Variants in TMEM63B observed in about 807,000 individuals in gnomAD.
The protein encoded by TMEM63B is transmembrane protein 63B.
In TMEM63B, 23 loss-of-function variants were observed where a neutral mutation model predicts 102.6. The ratio of observed to expected loss-of-function variants is 0.22; its 90% CI spans 0.16 to 0.32. The LOEUF (loss-of-function observed/expected upper bound fraction) is 0.32. Among genes scored for constraint, TMEM63B ranks in the 10% least tolerant of loss-of-function variants. The pLI, the probability that TMEM63B is intolerant of heterozygous loss-of-function variation, is 1.00. For synonymous variants in TMEM63B, 444 were observed against 437.0 expected (o/e 1.02, Z -0.20); for missense variants, 628 against 1,095.9 (o/e 0.57, Z 6.03).
intron 5 of TMEM63B, among the ~76,000 whole-genome samples, chr6:44,138,215 A>G (rs1387682991): frequency 2.7e-5 from 4 of 146,538 alleles, no homozygotes; most frequent in Non-Finnish European, 4.5e-5. Context: ...GCCACAGGGT[A>G]TTTGCAGAAA....
At chr6:44,129,013 C>T (rs1481753151) in intron 1 of TMEM63B, among the ~76,000 whole-genome samples, 1 of 152,216 alleles carries the variant, frequency 6.6e-6, no homozygotes, top group Non-Finnish European at 1.5e-5. Flanking sequence ...TAGAGACCTG[C>T]GTTCAAATTC....
chr6:44,146,702 C>T (rs1208075987), intron 10 of TMEM63B, 145 bp from the exon 11 acceptor site: 6 of 777,198 alleles, frequency 7.7e-6, no homozygotes, highest in South Asian at 2.9e-5. Context: ...CCTCCCGCTT[C>T]GGCCCCCCAA....
At position 44,148,161 on chromosome 6, in the gene TMEM63B, T is replaced by TG; in HGVS notation, c.988-90dup. On this transcript the variant is annotated intron_variant, in intron 12 of 23. Transcript: ENST00000323267. This position sits in a 1 kb window ranked among gnomAD's most constrained non-coding sequence, Gnocchi z 5.1. ...ATGCTTAGAGGAGCAGTGCCTGGCT[T>TG]GTAGGAAGCCCCAAGTCAGCGTGGG... 6.4e-7 allele frequency: 1 copy of TG among 1,554,670 alleles called. No individual in the cohort carries two copies. The highest frequency in any genetic ancestry group is 8.7e-7 in the Non-Finnish European group (1 of 1,153,700).
chr6:44,134,601 T>C lies in TMEM63B; in HGVS notation c.17T>C (p.Leu6Pro). The change falls in exon 2 of 24, where the codon CTG becomes CCG. Residue 6 changes from leucine to proline, a missense_variant. Physicochemically the swap from Leu to Pro is moderately conservative, Grantham distance 98. Transcript: ENST00000323267. ...GTAGCAGCCATGCTGCCCTTTCTGC[T>C]GGCCACACTGGGCACCACAGCCCTC... MLPFL[L>P]ATLGTTALNN... 6.2e-7 allele frequency: 1 copy of C among 1,614,096 alleles called. No individual in the cohort carries two copies.
chr6:44,133,593 C>G (rs538988558), intron 1 of TMEM63B, among the ~76,000 whole-genome samples: 267 of 152,348 alleles, frequency 1.8e-3, no homozygotes, highest in Admixed American at 3.3e-3. Flanking sequence ...CCACTCTGCT[C>G]TGTCCCCAAG....
intron 10 of TMEM63B, among the ~76,000 whole-genome samples, chr6:44,142,450 A>G (rs1388508627): frequency 1.3e-5 from 2 of 152,074 alleles, no homozygotes; most frequent in African/African-American, 4.8e-5. Context: ...GAATCGCTTG[A>G]ACCCAGGAGG....
chr6:44,150,097 C>T lies in TMEM63B; in HGVS notation c.1521-127C>T. 7.6e-7 allele frequency: 1 copy of T among 1,312,112 alleles called. No homozygotes were observed. Among genetic ancestry groups the T allele is most frequent in the Non-Finnish European group, 1.1e-6 (1 of 935,428 alleles). The allele number at this position is 1,312,112 out of a possible 1,614,324, so 81.3% of individuals were successfully genotyped here. On this transcript the variant is annotated intron_variant, in intron 16 of 23. Coordinates refer to ENST00000323267, the MANE Select transcript of TMEM63B (RefSeq NM_018426.3). The surrounding 1 kb of genome is among the most constrained non-coding windows in gnomAD (Gnocchi z 4.7). ...CAGCTGGTAGGGAAGGGGTAGTGCC[C>T]AGCACCCTCACCTTGGGAGGCCCAC...
Position 44,134,490 on chromosome 6 carries a change from C to T in TMEM63B, c.-24-71C>T, listed in dbSNP as rs1762541844. The T allele has an allele frequency of 8.0e-6, 12 of 1,498,880 alleles. No homozygotes were observed. In the South Asian group the frequency reaches 1.5e-4, roughly 19 times the overall value. 92.8% of individuals were successfully genotyped at this position (1,498,880 alleles called of 1,614,324 possible). On this transcript the variant is annotated intron_variant, in intron 1 of 23. Transcript: ENST00000323267. ...GGTGATCTGTCCTCACTGCCCCCTC[C>T]CCACGCCCACCCTACTGGGCCATGA...
chr6:44,149,064 C>A, intron 15 of TMEM63B, 119 bp downstream of exon 15: 4 of 1,496,450 alleles, frequency 2.7e-6, no homozygotes, highest in Non-Finnish European at 3.6e-6. Flanking sequence ...CCCGTGCCAC[C>A]AACCAGCTCC....
At chr6:44,136,785 G>A (rs996130679) in intron 5 of TMEM63B, among the ~76,000 whole-genome samples, 13 of 152,344 alleles carry the variant, frequency 8.5e-5, no homozygotes, top group African/African-American at 2.6e-4. Flanking sequence ...CTTGGCTCAC[G>A]CCTGTAATCC....
chr6:44,131,140 G>A (rs1200343959), intron 1 of TMEM63B, among the ~76,000 whole-genome samples: 1 of 150,322 alleles, frequency 6.7e-6, no homozygotes, highest in East Asian at 2.0e-4. Flanking sequence ...GGCTGGTCTC[G>A]AACTCCTGAC....
chr6:44,140,000 G>C (rs949526635), intron 8 of TMEM63B, among the ~76,000 whole-genome samples: 2 of 152,192 alleles, frequency 1.3e-5, no homozygotes, highest in Non-Finnish European at 2.9e-5. Flanking sequence ...AGCTGGGGCA[G>C]TTGGAGACAC....
chr6:44,140,848 C>T (rs1414894742), intron 9 of TMEM63B, among the ~76,000 whole-genome samples, 180 bp from the exon 10 acceptor site: 5 of 152,066 alleles, frequency 3.3e-5, no homozygotes, highest in Admixed American at 6.6e-5. Context: ...CCCCTGCTTT[C>T]CCTGGGACCT....
Position 44,150,612 on chromosome 6 carries a change from G to C in TMEM63B, c.1656G>C (p.Glu552Asp). 2 of 1,614,144 alleles carry C rather than the reference G, an allele frequency of 1.2e-6. No homozygotes were observed. The highest frequency in any genetic ancestry group is 1.7e-6 in the Non-Finnish European group (2 of 1,180,014). Residue 552 changes from glutamate (E) to aspartate (D), a missense_variant, in exon 18 of 24, where the codon GAG becomes GAC. Physicochemically the swap from Glu to Asp is conservative, Grantham distance 45. This residue lies in a region of TMEM63B where 61 missense variants were observed against 176.0 expected (regional missense o/e 0.35). Coordinates refer to ENST00000323267, the MANE Select transcript of TMEM63B (RefSeq NM_018426.3). The surrounding 1 kb of genome is among the most constrained non-coding windows in gnomAD (Gnocchi z 4.7). ...TCTTTGATAAGAAATTCTTGGCTGAGGCAGCTATTCGGTTTGAGTGAGTGA... is the reference window on the plus strand; with the variant it reads ...TCTTTGATAAGAAATTCTTGGCTGACGCAGCTATTCGGTTTGAGTGAGTGA... ...RWLFDKKFLAEAAIRFECVFL... is the reference protein window; with the variant it reads ...RWLFDKKFLADAAIRFECVFL...
intron 10 of TMEM63B, among the ~76,000 whole-genome samples, chr6:44,144,986 C>G (rs16871592): frequency 6.6e-6 from 1 of 152,080 alleles, no homozygotes; most frequent in South Asian, 2.1e-4. Flanking sequence ...GATTTAAAAA[C>G]GAACTACTGG....
Position 44,155,023 on chromosome 6 carries a change from G to A in TMEM63B, c.*140G>A, listed in dbSNP as rs1336471652. On this transcript the variant is annotated 3_prime_UTR_variant, in exon 24 of 24. Transcript: ENST00000323267. ...TTCATTAAGGTATTTAAACTTGGGG[G>A]TTTCACTGCTCTCCCCCATGATGGA... 3 of 815,304 alleles carry A rather than the reference G, an allele frequency of 3.7e-6. No homozygotes were observed. Among genetic ancestry groups the A allele is most frequent in the Non-Finnish European group, 3.5e-6 (2 of 573,366 alleles). 50.5% of individuals were successfully genotyped at this position (815,304 alleles called of 1,614,324 possible). A position where few individuals can be genotyped will look rare whatever the true frequency, so the allele number is the denominator to read the frequency against.
chr6:44,150,988 G>T lies in TMEM63B; in HGVS notation c.1673+359G>T, dbSNP rs758861222. On this transcript the variant is annotated intron_variant, in intron 18 of 23. Coordinates refer to ENST00000323267, the MANE Select transcript of TMEM63B (RefSeq NM_018426.3). The surrounding 1 kb of genome is among the most constrained non-coding windows in gnomAD (Gnocchi z 4.7). ...GCGTCTCTGGAGTTCCACTTGGGAG[G>T]TTTGGGGAACCATCTCTAGGGAGGT... 2.6e-4 allele frequency among the ~76,000 whole-genome samples: 40 copies of T among 152,260 alleles called. 1 individual carries two copies. The highest frequency in any genetic ancestry group is 8.2e-4 in the African/African-American group (34 of 41,534).
At position 44,150,673 on chromosome 6, in the gene TMEM63B, G is replaced by A; in HGVS notation, c.1673+44G>A. ...TAGGGAAAGAGACCAGACAGCAGGG[G>A]TGGGTATGCTTGAGAGACATTGCCA... On this transcript the variant is annotated intron_variant, in intron 18 of 23. Transcript: ENST00000323267. This position sits in a 1 kb window ranked among gnomAD's most constrained non-coding sequence, Gnocchi z 4.7. 1 of 1,593,160 alleles carries A rather than the reference G, an allele frequency of 6.3e-7. No homozygotes were observed.
intron 12 of TMEM63B, 65 bp downstream of exon 12, chr6:44,147,565 G>T (rs1364200783): frequency 6.3e-7 from 1 of 1,583,176 alleles, no homozygotes; most frequent in East Asian, 2.3e-5. Flanking sequence ...CAAGGCTGGG[G>T]CCCTGCCCTC....
Sources: allele counts gnomAD v4.1 joint callset (sites outside exome capture counted in the v4.1 genomes callset), GRCh38; gene constraint gnomAD v4.1.1; regional missense constraint gnomAD v4.1.1; non-coding constraint Gnocchi (gnomAD v3.1); transcripts MANE v1.5; gene names NCBI Gene and HGNC (gene_info 2026-07-23, HGNC 2026-07-21).